Variants in DLGAP1 observed in about 807,000 individuals in gnomAD.
The protein encoded by DLGAP1 is DLG associated protein 1.
A neutral mutation model predicts 90.8 loss-of-function variants in DLGAP1; 11 were observed. The ratio of observed to expected loss-of-function variants is 0.12; its 90% CI spans 0.08 to 0.20. DLGAP1 has a LOEUF of 0.20. Ranked by LOEUF, DLGAP1 falls within the 10% of genes least tolerant of loss-of-function variation. The pLI, the probability that DLGAP1 is intolerant of heterozygous loss-of-function variation, is 1.00. For synonymous variants in DLGAP1, 558 were observed against 540.7 expected (o/e 1.03, Z -0.44); for missense variants, 1,050 against 1,333.8 (o/e 0.79, Z 3.31).
chr18:3,547,196 G>T (rs2053092539), intron 9 of DLGAP1, among the ~76,000 whole-genome samples: 1 of 151,218 alleles, frequency 6.6e-6, no homozygotes, highest in African/African-American at 2.4e-5. Context: ...AGCTACTCGG[G>T]AGGCTGAGGC....
chr18:3,636,078 C>T (rs1005942482), intron 7 of DLGAP1, among the ~76,000 whole-genome samples: 3 of 151,272 alleles, frequency 2.0e-5, no homozygotes, highest in Non-Finnish European at 4.4e-5. Flanking sequence ...ACATACCTTT[C>T]GCTCTTTTCT....
At chr18:4,149,146 T>C (rs957744285) in intron 2 of DLGAP1, among the ~76,000 whole-genome samples, 5 of 152,350 alleles carry the variant, frequency 3.3e-5, no homozygotes, top group Middle Eastern at 3.4e-3. Flanking sequence ...AATACAGCTA[T>C]AATTAAATGT....
At chr18:4,333,325 G>T (rs542408607) in intron 1 of DLGAP1, among the ~76,000 whole-genome samples, 1 of 151,892 alleles carries the variant, frequency 6.6e-6, no homozygotes, top group Non-Finnish European at 1.5e-5. Flanking sequence ...AGGCTAGCCT[G>T]TGCTTCTTCC....
Position 3,499,399 on chromosome 18 carries a change from T to C in DLGAP1, c.2725-5A>G, listed in dbSNP as rs1390586890. 6.5e-7 allele frequency: 1 copy of C among 1,548,796 alleles called. No homozygotes were observed. The highest frequency in any genetic ancestry group is 2.0e-5 in the Admixed American group (1 of 50,728). The stretch of plus-strand genomic sequence containing the variant: ...TGGAGGAGGGGCCCTTCTCTCCTGA[T>C]CAAAGCAGAAGGTTCAGGACATTAC... On this transcript the variant is annotated splice_polypyrimidine_tract_variant and splice_region_variant and intron_variant, in intron 12 of 12. Transcript: ENST00000315677. The surrounding 1 kb of genome is among the most constrained non-coding windows in gnomAD (Gnocchi z 6.4).
At chr18:3,572,105 T>A (rs1257960605) in intron 8 of DLGAP1, among the ~76,000 whole-genome samples, 15 of 144,372 alleles carry the variant, frequency 1.0e-4, no homozygotes, top group Admixed American at 9.8e-4. Context: ...TGAGACGGAG[T>A]TTGGCTCTTA....
rs1568277908 is a variant in DLGAP1, at chr18:3,600,767, T to TATATATAGATATATAG, written c.1592-18535_1592-18520dup. On this transcript the variant is annotated intron_variant, in intron 7 of 12. Transcript: ENST00000315677. The stretch of plus-strand genomic sequence containing the variant: ...ATATAGATATATATAGATATATAGA[T>TATATATAGATATATAG]ATATATAGATATATAGATATATATA... Among the ~76,000 whole-genome samples, 2 of 35,290 alleles carry TATATATAGATATATAG rather than the reference T, an allele frequency of 5.7e-5. 1 individual carries two copies. Among genetic ancestry groups the TATATATAGATATATAG allele is most frequent in the African/African-American group, 3.5e-4 (2 of 5,776 alleles). 23.2% of individuals were successfully genotyped at this position (35,290 alleles called of 152,430 possible).
intron 1 of DLGAP1, among the ~76,000 whole-genome samples, chr18:4,433,237 T>G (rs2083329040): frequency 6.6e-6 from 1 of 152,238 alleles, no homozygotes; most frequent in Non-Finnish European, 1.5e-5. Context: ...ATTTAATTTC[T>G]GTGAGTCTCA....
In DLGAP1 at chr18:4,067,227, C is replaced by T. The variant is rs988284585; in HGVS notation, c.-158-62026G>A. On this transcript the variant is annotated intron_variant, in intron 2 of 12. Coordinates refer to ENST00000315677, the MANE Select transcript of DLGAP1 (RefSeq NM_004746.4). ...GATCAAGAAAAACAACTAATGTGTA[C>T]GGGGCTTAATACCTGAGTGATGAAA... Among the ~76,000 whole-genome samples the T allele has an allele frequency of 3.3e-5, 5 of 151,830 alleles. No individual in the cohort carries two copies. In the South Asian group the frequency reaches 6.2e-4, roughly 19 times the overall value.
intron 1 of DLGAP1, among the ~76,000 whole-genome samples, chr18:4,257,885 A>C (rs1206532497): frequency 6.6e-6 from 1 of 151,390 alleles, no homozygotes; most frequent in Non-Finnish European, 1.5e-5. Flanking sequence ...TCGGCTTCCC[A>C]AAGTGCTGGG....
intron 2 of DLGAP1, among the ~76,000 whole-genome samples, chr18:4,113,510 G>A (rs972580615): frequency 2.6e-5 from 4 of 151,962 alleles, no homozygotes; most frequent in African/African-American, 9.7e-5. Context: ...TTTAGATTCT[G>A]GGTATTAGAC....
intron 7 of DLGAP1, among the ~76,000 whole-genome samples, chr18:3,602,336 C>T (rs1196551041): frequency 6.6e-6 from 1 of 152,140 alleles, no homozygotes; most frequent in African/African-American, 2.4e-5. Flanking sequence ...TGGCTCACGC[C>T]TGTCATCCCA....
chr18:3,641,168 T>C (rs1451092154), intron 7 of DLGAP1, among the ~76,000 whole-genome samples: 2 of 151,918 alleles, frequency 1.3e-5, no homozygotes, highest in African/African-American at 4.8e-5. Context: ...TAATTACATA[T>C]AACTAGTATT....
intron 1 of DLGAP1, among the ~76,000 whole-genome samples, chr18:4,161,430 T>C (rs2076843451): frequency 6.6e-6 from 1 of 152,194 alleles, no homozygotes; most frequent in Admixed American, 6.5e-5. Flanking sequence ...ATCTCATTTC[T>C]TTTCATGGCT....
At chr18:3,745,544 AG>A (rs2063231439) in intron 5 of DLGAP1, among the ~76,000 whole-genome samples, 1 of 152,200 alleles carries the variant, frequency 6.6e-6, no homozygotes, top group Non-Finnish European at 1.5e-5. Flanking sequence ...AGAGAGGAAG[AG>A]ATAGATTTGA....
intron 5 of DLGAP1, among the ~76,000 whole-genome samples, chr18:3,787,888 C>G (rs1426974345): frequency 6.6e-6 from 1 of 152,178 alleles, no homozygotes; most frequent in Admixed American, 6.5e-5. Context: ...CCTCACCTGC[C>G]TAAAGTCTGG....
chr18:3,832,824 G>C (rs1264282334), intron 4 of DLGAP1, among the ~76,000 whole-genome samples: 2 of 152,142 alleles, frequency 1.3e-5, no homozygotes, highest in African/African-American at 4.8e-5. Context: ...GGCCCTTGTG[G>C]GGGATGCAGG....
At chr18:3,536,768 G>C (rs1484986300) in intron 9 of DLGAP1, among the ~76,000 whole-genome samples, 1 of 152,164 alleles carries the variant, frequency 6.6e-6, no homozygotes, top group Non-Finnish European at 1.5e-5. Flanking sequence ...ATGTCCATGA[G>C]ATCAGTGTTT....
intron 1 of DLGAP1, among the ~76,000 whole-genome samples, chr18:4,258,645 T>A (rs1272228985): frequency 6.6e-6 from 1 of 152,118 alleles, no homozygotes; most frequent in Non-Finnish European, 1.5e-5. Flanking sequence ...GGCAACTAAA[T>A]TATGTTGTGA....
intron 1 of DLGAP1, among the ~76,000 whole-genome samples, chr18:4,154,203 G>C (rs1198728450): frequency 1.3e-5 from 2 of 150,954 alleles, no homozygotes; most frequent in African/African-American, 2.4e-5. Context: ...GCTGGGACTA[G>C]ATGTGCACCA....
Sources: gnomAD v4.1 joint callset for allele counts (sites outside exome capture counted in the v4.1 genomes callset) on GRCh38, gnomAD v4.1.1 for gene constraint, Gnocchi (gnomAD v3.1) non-coding constraint, MANE v1.5 for transcripts, NCBI Gene and HGNC (gene_info 2026-07-23, HGNC 2026-07-21) for gene names.